MRAS: variants seen among roughly 807,000 people sequenced by gnomAD.
MRAS encodes ras-related protein M-Ras.
In MRAS, 4 loss-of-function variants were observed where a neutral mutation model predicts 20.9. That is an observed-to-expected ratio of 0.19 (90% confidence interval 0.09 to 0.44). The LOEUF is 0.44. Among genes scored for constraint, MRAS ranks in the 20% least tolerant of loss-of-function variants. MRAS has a pLI of 0.99. For missense variants in MRAS, 154 were observed against 277.5 expected, an observed-to-expected ratio of 0.56 and a Z score of 3.16; for synonymous variants, 98 against 102.9, an observed-to-expected ratio of 0.95 and a Z score of 0.29.
chr3:138,396,461 A>AT (rs2108559830), intron 2 of MRAS, among the ~76,000 whole-genome samples: 2 of 152,318 alleles, frequency 1.3e-5, no homozygotes, highest in Non-Finnish European at 2.9e-5. Flanking sequence ...AGGCTAAGCC[A>AT]TGAGCAGGTG....
At chr3:138,366,107 TG>T (rs989776336) in intron 1 of MRAS, among the ~76,000 whole-genome samples, 24 of 152,316 alleles carry the variant, frequency 1.6e-4, no homozygotes, top group South Asian at 6.2e-4. Flanking sequence ...TAGACCCCTC[TG>T]GGGTCACATG....
At chr3:138,401,809 A>T (rs1199723050) in intron 5 of MRAS, among the ~76,000 whole-genome samples, 1 of 152,230 alleles carries the variant, frequency 6.6e-6, no homozygotes, top group Non-Finnish European at 1.5e-5. Context: ...CCATCATTTT[A>T]TTTAAACTAT....
intron 1 of MRAS, among the ~76,000 whole-genome samples, chr3:138,355,305 G>A (rs1008734140): frequency 6.6e-6 from 1 of 152,174 alleles, no homozygotes; most frequent in Non-Finnish European, 1.5e-5. Flanking sequence ...ATGACGACAG[G>A]ACGCAGCTTC....
Position 138,373,988 on chromosome 3 carries a change from G to A in MRAS, c.193+912G>A, listed in dbSNP as rs931953585. Among the ~76,000 whole-genome samples the A allele has an allele frequency of 8.6e-5, 13 of 151,644 alleles. No homozygotes were observed. The East Asian group carries it at 9.7e-4, about 11-fold the overall frequency. On this transcript the variant is annotated intron_variant, in intron 2 of 5. Transcript: ENST00000423968. ...TTTGTTTTTGGGGGGACGGAGTCTC[G>A]CTCTGTCACCAGGTTGGTGGAGTGC...
chr3:138,398,193 C>T (rs1185589120), intron 3 of MRAS, among the ~76,000 whole-genome samples: 2 of 152,200 alleles, frequency 1.3e-5, no homozygotes, highest in African/African-American at 4.8e-5. Flanking sequence ...GGAACCAGGT[C>T]TGGGGAGCCA....
chr3:138,391,067 A>G (rs1576380206), intron 2 of MRAS, among the ~76,000 whole-genome samples: 1 of 152,036 alleles, frequency 6.6e-6, no homozygotes, highest in African/African-American at 2.4e-5. Context: ...TGGTCCTTTG[A>G]AAGAATCTGC....
chr3:138,379,357 C>CTTTTTTTTTTTTTTTTTTTTTTT (rs35120152), intron 2 of MRAS, among the ~76,000 whole-genome samples: 6 of 77,600 alleles, frequency 7.7e-5, no homozygotes, highest in Non-Finnish European at 1.4e-4. Flanking sequence ...GACAGAATGT[C>CTTTTTTTTTTTTTTTTTTTTTTT]TTTTTTTTTT....
chr3:138,400,427 G>A lies in MRAS; in HGVS notation c.448-107G>A. 5 of 962,622 alleles carry A rather than the reference G, an allele frequency of 5.2e-6. No homozygotes were observed. The South Asian group carries it at 5.7e-5, about 11-fold the overall frequency. The allele number at this position is 962,622 out of a possible 1,614,324, so 59.6% of individuals were successfully genotyped here. ...TTGGGGGCTGGGGCTTCTGTGGGGG[G>A]TTTTGAAAGCACCTGGGTTCCTCAG... On this transcript the variant is annotated intron_variant, in intron 4 of 5. Transcript: ENST00000423968.
intron 1 of MRAS, chr3:138,349,350 G>C (rs1436631271): frequency 6.6e-6 from 1 of 152,528 alleles, no homozygotes; most frequent in African/African-American, 2.4e-5. Flanking sequence ...CTGCGGGGAA[G>C]ACAAGAGCAC....
At chr3:138,387,922 C>T (rs751652004) in intron 2 of MRAS, among the ~76,000 whole-genome samples, 1 of 152,196 alleles carries the variant, frequency 6.6e-6, no homozygotes, top group Non-Finnish European at 1.5e-5. Context: ...GGTGTAGCCT[C>T]CAGCATGAGC....
At chr3:138,365,189 T>C (rs941829888) in intron 1 of MRAS, among the ~76,000 whole-genome samples, 11 of 152,214 alleles carry the variant, frequency 7.2e-5, no homozygotes, top group African/African-American at 2.7e-4. Flanking sequence ...GTTGTGAGAA[T>C]TAAAATATTC....
chr3:138,376,735 G>A (rs376863748), intron 2 of MRAS, among the ~76,000 whole-genome samples: 12 of 152,168 alleles, frequency 7.9e-5, no homozygotes, highest in Non-Finnish European at 1.8e-4. Flanking sequence ...ATGTAAACAA[G>A]TTTCTTCACT....
chr3:138,396,358 G>T lies in MRAS; in HGVS notation c.194-966G>T, dbSNP rs1393331235. Among the ~76,000 whole-genome samples, 8 of 152,314 alleles carry T rather than the reference G, an allele frequency of 5.3e-5. No homozygotes were observed. In the East Asian group the frequency reaches 1.5e-3, roughly 29 times the overall value. On this transcript the variant is annotated intron_variant, in intron 2 of 5. Coordinates refer to ENST00000423968, the MANE Select transcript of MRAS (RefSeq NM_001085049.3). Reference sequence around the variant, plus strand: ...AAGCCAGACTCCGCCCAGTGGGCTGGCTCCAAAATCTGTAACCACCCGCTC... The same window carrying T: ...AAGCCAGACTCCGCCCAGTGGGCTGTCTCCAAAATCTGTAACCACCCGCTC...
chr3:138,380,376 G>A (rs761865258), intron 2 of MRAS, among the ~76,000 whole-genome samples: 1 of 151,854 alleles, frequency 6.6e-6, no homozygotes. Flanking sequence ...GCAGTGGTGC[G>A]ATCTCGGTTC....
chr3:138,374,068 C>T (rs1000992259), intron 2 of MRAS, among the ~76,000 whole-genome samples: 1 of 152,112 alleles, frequency 6.6e-6, no homozygotes, highest in Non-Finnish European at 1.5e-5. Context: ...AAGCAAATCT[C>T]TTGCCTCAGC....
At chr3:138,369,126 T>C (rs1251498004) in intron 1 of MRAS, among the ~76,000 whole-genome samples, 1 of 152,188 alleles carries the variant, frequency 6.6e-6, no homozygotes, top group East Asian at 1.9e-4. Context: ...GGAAGCCAGC[T>C]CTGTGGTGTG....
At chr3:138,377,007 A>G (rs1169049993) in intron 2 of MRAS, among the ~76,000 whole-genome samples, 5 of 152,196 alleles carry the variant, frequency 3.3e-5, no homozygotes, top group Non-Finnish European at 5.9e-5. Flanking sequence ...TGGATGTTAA[A>G]TTGGTTTCTG....
chr3:138,352,229 C>T (rs1273814398), intron 1 of MRAS, among the ~76,000 whole-genome samples: 1 of 152,166 alleles, frequency 6.6e-6, no homozygotes, highest in African/African-American at 2.4e-5. Context: ...TTCAATGGTG[C>T]CCCATCTCTT....
intron 2 of MRAS, among the ~76,000 whole-genome samples, chr3:138,373,731 G>GTATT (rs2054722219): frequency 6.6e-6 from 1 of 152,226 alleles, no homozygotes; most frequent in African/African-American, 2.4e-5. Context: ...AGGTCCTAAG[G>GTATT]TATTTCTATG....
Sources: gnomAD v4.1 joint callset for allele counts (sites outside exome capture counted in the v4.1 genomes callset) on GRCh38, gnomAD v4.1.1 for gene constraint, MANE v1.5 for transcripts, NCBI Gene and HGNC (gene_info 2026-07-23, HGNC 2026-07-21) for gene names.